The following WWOX variants were observed in gnomAD, a reference collection of about 807,000 sequenced individuals.
The protein encoded by WWOX is WW domain containing oxidoreductase.
A neutral mutation model predicts 46.2 loss-of-function variants in WWOX; 69 were observed. That is an observed-to-expected ratio of 1.49 (90% CI 1.23 to 1.82). The LOEUF is 1.82. Among genes scored for constraint, WWOX ranks in the 40% most tolerant of loss-of-function variants. WWOX has a pLI of 0.00. For synonymous variants in WWOX, 359 were observed against 202.6 expected, an observed-to-expected ratio of 1.77 and a Z score of -6.56; for missense variants, 919 against 542.6, an observed-to-expected ratio of 1.69 and a Z score of -6.89.
At chr16:78,393,361 C>CA (rs1296038365) in intron 6 of WWOX, among the ~76,000 whole-genome samples, 1 of 152,060 alleles carries the variant, frequency 6.6e-6, no homozygotes, top group Non-Finnish European at 1.5e-5. Context: ...TTTTCTTCTT[C>CA]AAAAAATGGT....
chr16:79,129,844 A>C (rs2049839714), intron 8 of WWOX, among the ~76,000 whole-genome samples: 1 of 152,212 alleles, frequency 6.6e-6, no homozygotes, highest in African/African-American at 2.4e-5. Context: ...AGCCTGGGTC[A>C]AATTGGTGCT....
At chr16:78,335,639 C>G (rs2080871824) in intron 5 of WWOX, among the ~76,000 whole-genome samples, 1 of 152,132 alleles carries the variant, frequency 6.6e-6, no homozygotes, top group Non-Finnish European at 1.5e-5. Flanking sequence ...TATAAAGGTA[C>G]ATGCACATGT....
At chr16:79,128,583 G>A (rs1341211756) in intron 8 of WWOX, among the ~76,000 whole-genome samples, 2 of 152,060 alleles carry the variant, frequency 1.3e-5, no homozygotes, top group Non-Finnish European at 1.5e-5. Context: ...GCTTTATAAC[G>A]GTTTGATTTC....
intron 8 of WWOX, among the ~76,000 whole-genome samples, chr16:78,942,109 T>C (rs2045863474): frequency 1.3e-5 from 2 of 152,200 alleles, no homozygotes; most frequent in African/African-American, 2.4e-5. Flanking sequence ...TGACTGTGAT[T>C]CTAACACGGA....
chr16:78,850,426 C>G (rs1220704920), intron 8 of WWOX, among the ~76,000 whole-genome samples: 2 of 152,138 alleles, frequency 1.3e-5, no homozygotes, highest in Non-Finnish European at 2.9e-5. Context: ...CAAATATCAG[C>G]TAGATAAAAG....
rs1278568569 is a variant in WWOX, at chr16:78,314,694, T to G, written c.517-72166T>G. ...CACACCCCACCCTGCAGGGGTTTTTTTTTTTTGTTTTTTTTTTTTTTTTTT... is the reference window on the plus strand; with the variant it reads ...CACACCCCACCCTGCAGGGGTTTTTGTTTTTTGTTTTTTTTTTTTTTTTTT... On this transcript the variant is annotated intron_variant, in intron 5 of 8. Coordinates refer to ENST00000566780, the MANE Select transcript of WWOX (RefSeq NM_016373.4). 2.4e-4 allele frequency among the ~76,000 whole-genome samples: 16 copies of G among 65,394 alleles called. No individual in the cohort carries two copies. The South Asian group carries it at 7.5e-3, about 31-fold the overall frequency. The allele number at this position is 65,394 out of a possible 152,430, so 42.9% of individuals were successfully genotyped here. A position where few individuals can be genotyped will look rare whatever the true frequency, so the allele number is the denominator to read the frequency against.
intron 8 of WWOX, among the ~76,000 whole-genome samples, chr16:78,957,919 C>T (rs2046200776): frequency 6.6e-6 from 1 of 152,212 alleles, no homozygotes; most frequent in Non-Finnish European, 1.5e-5. Context: ...GTTTGTGCAA[C>T]AACTCAATTC....
At chr16:78,216,291 A>G (rs1014443770) in intron 5 of WWOX, among the ~76,000 whole-genome samples, 6 of 152,226 alleles carry the variant, frequency 3.9e-5, no homozygotes, top group African/African-American at 1.4e-4. Flanking sequence ...AAGTAAATCA[A>G]CACTTTGAAC....
intron 8 of WWOX, among the ~76,000 whole-genome samples, chr16:78,538,798 G>A (rs574742408): frequency 6.6e-6 from 1 of 152,182 alleles, no homozygotes; most frequent in African/African-American, 2.4e-5. Flanking sequence ...TAAAACGCAT[G>A]GGTGGAAATG....
chr16:78,666,037 C>G (rs1299886530), intron 8 of WWOX, among the ~76,000 whole-genome samples: 1 of 151,894 alleles, frequency 6.6e-6, no homozygotes, highest in Admixed American at 6.6e-5. Flanking sequence ...GTAATCCCAA[C>G]ACTCTGGGAG....
At chr16:78,513,900 C>CT (rs796557159) in intron 8 of WWOX, among the ~76,000 whole-genome samples, 5 of 147,526 alleles carry the variant, frequency 3.4e-5, no homozygotes, top group African/African-American at 1.3e-4. Flanking sequence ...CCACTCCCCC[C>CT]CCCCCCACTT....
At chr16:78,538,085 G>A (rs200398219) in intron 8 of WWOX, among the ~76,000 whole-genome samples, 1 of 151,928 alleles carries the variant, frequency 6.6e-6, no homozygotes, top group Non-Finnish European at 1.5e-5. Flanking sequence ...GCACAGAAGG[G>A]GGTAATTATT....
At chr16:78,630,779 T>C (rs2046409810) in intron 8 of WWOX, among the ~76,000 whole-genome samples, 1 of 152,180 alleles carries the variant, frequency 6.6e-6, no homozygotes, top group Admixed American at 6.5e-5. Context: ...TTTCAGTGCC[T>C]GACACAGTTG....
At chr16:78,192,491 CAAAAAAAAAAAAA>C (rs56109773) in intron 5 of WWOX, among the ~76,000 whole-genome samples, 1 of 87,520 alleles carries the variant, frequency 1.1e-5, no homozygotes, top group Admixed American at 1.4e-4. Context: ...GACTCCGTCT[CAAAAAAAAAAAAA>C]AAAAAAAGAA....
chr16:79,097,478 A>C (rs1315862477), intron 8 of WWOX, among the ~76,000 whole-genome samples: 1 of 152,124 alleles, frequency 6.6e-6, no homozygotes, highest in Non-Finnish European at 1.5e-5. Flanking sequence ...ACAAAAGCAA[A>C]ATCCATATTT....
intron 8 of WWOX, among the ~76,000 whole-genome samples, chr16:79,118,443 T>C (rs1230705540): frequency 6.6e-6 from 1 of 152,166 alleles, no homozygotes; most frequent in Non-Finnish European, 1.5e-5. Context: ...TGAAATATTG[T>C]AAGAATTATC....
intron 8 of WWOX, among the ~76,000 whole-genome samples, chr16:78,562,352 G>T (rs1014077700): frequency 7.9e-5 from 12 of 152,180 alleles, no homozygotes; most frequent in African/African-American, 2.9e-4. Context: ...CCGCAGTGTT[G>T]TGTGTTACTA....
chr16:78,930,103 C>T (rs1407017085), intron 8 of WWOX, among the ~76,000 whole-genome samples: 1 of 152,030 alleles, frequency 6.6e-6, no homozygotes, highest in Non-Finnish European at 1.5e-5. Context: ...CCTTCCCTTC[C>T]TGCCGTCTGG....
chr16:78,473,491 G>A (rs2084280246), intron 8 of WWOX, among the ~76,000 whole-genome samples: 1 of 152,182 alleles, frequency 6.6e-6, no homozygotes, highest in Admixed American at 6.5e-5. Flanking sequence ...AGCACAGCAT[G>A]AAGAGCTGAC....
Sources: gnomAD v4.1 joint callset for allele counts (sites outside exome capture counted in the v4.1 genomes callset) on GRCh38, gnomAD v4.1.1 for gene constraint, MANE v1.5 for transcripts, NCBI Gene and HGNC (gene_info 2026-07-23, HGNC 2026-07-21) for gene names.